The following EXOC1 variants were observed in gnomAD, a reference collection of about 807,000 sequenced individuals.
EXOC1 encodes exocyst complex component 1.
EXOC1 carries 67 observed loss-of-function variants against 107.7 expected under a neutral mutation model. The observed-to-expected ratio is 0.62, with a 90% CI of 0.51 to 0.76. The LOEUF is 0.76. Ranked by LOEUF, EXOC1 falls within the 30% of genes least tolerant of loss-of-function variation. The pLI, the probability that EXOC1 is intolerant of heterozygous loss-of-function variation, is 0.00. For missense variants in EXOC1, 833 were observed against 1,055.7 expected, an observed-to-expected ratio of 0.79 and a Z score of 2.92; for synonymous variants, 348 against 353.5, an observed-to-expected ratio of 0.98 and a Z score of 0.17.
At chr4:55,876,946 T>A in intron 8 of EXOC1, 1 of 985,378 alleles carries the variant, frequency 1.0e-6, no homozygotes, top group South Asian at 4.7e-5. Context: ...GCATGTCTTA[T>A]ACTCCCATCT....
At chr4:55,903,664 A>G (rs1726274010) in intron 18 of EXOC1, among the ~76,000 whole-genome samples, 1 of 152,168 alleles carries the variant, frequency 6.6e-6, no homozygotes, top group South Asian at 2.1e-4. Flanking sequence ...TAATACTATA[A>G]TATATTCATA....
chr4:55,891,111 T>C (rs1185171354), intron 12 of EXOC1, among the ~76,000 whole-genome samples: 1 of 152,232 alleles, frequency 6.6e-6, no homozygotes, highest in Non-Finnish European at 1.5e-5. Context: ...TAGGTTTATT[T>C]TGTGGCCTTG....
At chr4:55,895,775 C>CT (rs1725131873) in intron 15 of EXOC1, among the ~76,000 whole-genome samples, 1 of 151,998 alleles carries the variant, frequency 6.6e-6, no homozygotes, top group Admixed American at 6.5e-5. Context: ...CGCATTTTGT[C>CT]ATATAATGCA....
Position 55,890,282 on chromosome 4 carries a change from G to A in EXOC1, c.1435G>A (p.Val479Ile), listed in dbSNP as rs1180150525. ...GSTSSLNKLS[V>I]QSSGNRRSQS... is the part of the protein sequence containing the mutation. The stretch of plus-strand genomic sequence containing the variant: ...TACTTCTAGTCTAAATAAGCTCAGT[G>A]TTCAGAGTTCAGGGAATCGCAGATC... Residue 479 changes from valine to isoleucine, a missense_variant, in exon 12 of 19, where the codon GTT becomes ATT. Physicochemically the swap from Val to Ile is conservative, Grantham distance 29. Around this residue, in one of 2 missense-constraint regions of EXOC1, gnomAD observed 617 missense variants for 701.3 expected, o/e 0.88. Transcript: ENST00000381295. The A allele has an allele frequency of 6.2e-7, 1 of 1,614,010 alleles. No individual in the cohort carries two copies.
intron 18 of EXOC1, among the ~76,000 whole-genome samples, chr4:55,903,791 A>G (rs1052904562): frequency 3.3e-5 from 5 of 152,204 alleles, no homozygotes; most frequent in African/African-American, 9.6e-5. Flanking sequence ...ATTAGCCTCC[A>G]CTGTTAGATT....
chr4:55,883,969 A>T, intron 10 of EXOC1, 41 bp downstream of exon 10: 1 of 1,393,270 alleles, frequency 7.2e-7, no homozygotes, highest in Non-Finnish European at 9.9e-7. Flanking sequence ...CCTATTAAAA[A>T]TGGCTTTATT....
At chr4:55,855,730 G>A (rs965583512) in intron 1 of EXOC1, among the ~76,000 whole-genome samples, 59 of 152,282 alleles carry the variant, frequency 3.9e-4, no homozygotes, top group African/African-American at 1.3e-3. Context: ...CTAGGGAGAA[G>A]AGAATTCTAG....
chr4:55,871,306 T>A, intron 7 of EXOC1, 73 bp downstream of exon 7: 1 of 1,524,866 alleles, frequency 6.6e-7, no homozygotes, highest in Non-Finnish European at 8.9e-7. Flanking sequence ...ATAAAGGTTT[T>A]GACAAGAAAT....
chr4:55,881,117 C>G (rs1723340329), intron 9 of EXOC1, among the ~76,000 whole-genome samples: 1 of 152,190 alleles, frequency 6.6e-6, no homozygotes, highest in African/African-American at 2.4e-5. Context: ...GCCACTGCCT[C>G]TAGCTGTACT....
At chr4:55,864,579 A>G (rs1335835427) in intron 4 of EXOC1, among the ~76,000 whole-genome samples, 193 bp downstream of exon 4, 1 of 152,170 alleles carries the variant, frequency 6.6e-6, no homozygotes, top group Admixed American at 6.6e-5. Flanking sequence ...AATAAAAACC[A>G]CTTATTCTTC....
At chr4:55,898,339 A>C (rs6820052) in intron 16 of EXOC1, among the ~76,000 whole-genome samples, 10 of 152,036 alleles carry the variant, frequency 6.6e-5, no homozygotes, top group African/African-American at 2.4e-4. Flanking sequence ...AAACTTAAGA[A>C]CAGACAGATA....
intron 10 of EXOC1, 146 bp downstream of exon 10, chr4:55,884,074 G>A: frequency 1.7e-6 from 1 of 602,278 alleles, no homozygotes; most frequent in Non-Finnish European, 2.9e-6. Context: ...TTGATTTATA[G>A]CCGTTTCATA....
chr4:55,878,261 G>A (rs1382312742), intron 9 of EXOC1, among the ~76,000 whole-genome samples, 195 bp downstream of exon 9: 2 of 152,116 alleles, frequency 1.3e-5, no homozygotes, highest in African/African-American at 2.4e-5. Flanking sequence ...TTAAACTTCA[G>A]TATGGAAAAA....
At chr4:55,878,507 C>CA (rs1473139080) in intron 9 of EXOC1, among the ~76,000 whole-genome samples, 4 of 152,150 alleles carry the variant, frequency 2.6e-5, no homozygotes, top group Admixed American at 6.5e-5. Flanking sequence ...CTCTAATGCG[C>CA]TTTAGATCTG....
intron 3 of EXOC1, among the ~76,000 whole-genome samples, chr4:55,861,414 CA>C (rs1435028286): frequency 6.6e-6 from 1 of 152,028 alleles, no homozygotes; most frequent in African/African-American, 2.4e-5. Context: ...CAACAAAAAA[CA>C]AAAAAACTGC....
chr4:55,890,846 C>T (rs930009284), intron 12 of EXOC1, among the ~76,000 whole-genome samples: 1 of 152,174 alleles, frequency 6.6e-6, no homozygotes, highest in Non-Finnish European at 1.5e-5. Flanking sequence ...TCTTCTGCCT[C>T]CCTCCCAGGT....
intron 17 of EXOC1, among the ~76,000 whole-genome samples, chr4:55,900,091 A>T (rs556088977): frequency 3.3e-4 from 50 of 152,186 alleles, no homozygotes; most frequent in Non-Finnish European, 5.7e-4. Context: ...TACATTATTT[A>T]TCTACTATAT....
At chr4:55,881,933 C>G (rs747535439) in intron 9 of EXOC1, among the ~76,000 whole-genome samples, 1 of 151,866 alleles carries the variant, frequency 6.6e-6, no homozygotes, top group Admixed American at 6.6e-5. Context: ...GCTTGCTACT[C>G]GAAAGCCAAA....
chr4:55,875,395 A>G (rs755955842), intron 8 of EXOC1: 8 of 971,524 alleles, frequency 8.2e-6, no homozygotes, highest in Admixed American at 6.2e-5. Context: ...TAAGTATGCC[A>G]TAACAGAAAG....
Sources: gnomAD v4.1 joint callset for allele counts (sites outside exome capture counted in the v4.1 genomes callset) on GRCh38, gnomAD v4.1.1 for gene constraint, gnomAD v4.1.1 regional missense constraint, MANE v1.5 for transcripts, NCBI Gene and HGNC (gene_info 2026-07-23, HGNC 2026-07-21) for gene names.